The following CNKSR2 variants were observed in gnomAD, a reference collection of about 807,000 sequenced individuals.
The protein encoded by CNKSR2 is connector enhancer of kinase suppressor of Ras 2.
Under a neutral mutation model 84.4 loss-of-function variants are expected in CNKSR2, and 14 were observed. That is an observed-to-expected ratio of 0.17 (90% confidence interval 0.11 to 0.26). The LOEUF (loss-of-function observed/expected upper bound fraction) is 0.26. Ranked by LOEUF, CNKSR2 falls within the 10% of genes least tolerant of loss-of-function variation. The probability of loss-of-function intolerance (pLI) is 1.00; values close to 1 mark genes in which losing one functional copy is unlikely to be tolerated. For missense variants in CNKSR2, 485 were observed against 771.2 expected, an observed-to-expected ratio of 0.63 and a Z score of 4.40; for synonymous variants, 275 against 277.9, an observed-to-expected ratio of 0.99 and a Z score of 0.10.
At chrX:21,606,927 A>T (rs767166660) in intron 19 of CNKSR2, 48 bp downstream of exon 19, 1 of 679,162 alleles carries the variant, frequency 1.5e-6, no homozygotes, top group South Asian at 3.4e-5. Context: ...CTTCTACCTG[A>T]AACATCCTTT....
chrX:21,590,272 G>A (rs982293375), intron 13 of CNKSR2, among the ~76,000 whole-genome samples: 20 of 111,837 alleles, frequency 1.8e-4, no homozygotes, highest in Non-Finnish European at 3.2e-4. Context: ...CAATATACCC[G>A]TGAAAAGGTA....
intron 2 of CNKSR2, chrX:21,429,011 A>G (rs921166378): frequency 8.9e-6 from 1 of 112,412 alleles, no homozygotes; most frequent in African/African-American, 3.2e-5. Flanking sequence ...GTTGTTGCCA[A>G]TATTAAGTAT....
intron 13 of CNKSR2, among the ~76,000 whole-genome samples, chrX:21,575,835 A>G (rs184053317): frequency 3.4e-4 from 38 of 112,445 alleles, no homozygotes; most frequent in African/African-American, 1.1e-3. Flanking sequence ...GAAAAAAGTC[A>G]TGCTTCTCTT....
chrX:21,602,142 T>C, intron 18 of CNKSR2, among the ~76,000 whole-genome samples: 1 of 110,542 alleles, frequency 9.0e-6, no homozygotes, highest in African/African-American at 3.3e-5. Flanking sequence ...TGTTTGTTTG[T>C]TTGTTTGTTT....
intron 4 of CNKSR2, among the ~76,000 whole-genome samples, chrX:21,444,762 T>TAA (rs142552074): frequency 1.0e-5 from 1 of 99,543 alleles, no homozygotes. Context: ...AAATGTGATT[T>TAA]AAAAAAAAAA....
chrX:21,377,405 G>A (rs2089834471), intron 1 of CNKSR2, among the ~76,000 whole-genome samples: 1 of 111,944 alleles, frequency 8.9e-6, no homozygotes, highest in African/African-American at 3.3e-5. Flanking sequence ...TCATCCTGCA[G>A]TAATATTTAA....
At chrX:21,381,310 A>G (rs1470861277) in intron 1 of CNKSR2, among the ~76,000 whole-genome samples, 1 of 111,911 alleles carries the variant, frequency 8.9e-6, no homozygotes, top group Non-Finnish European at 1.9e-5. Flanking sequence ...CAGACCTCCC[A>G]GGGCTGAGTA....
chrX:21,623,543 G>A (rs576582919), intron 20 of CNKSR2, among the ~76,000 whole-genome samples: 1 of 111,598 alleles, frequency 9.0e-6, no homozygotes, highest in South Asian at 3.7e-4. Context: ...CCACATTGTT[G>A]ATGCTCCTTG....
chrX:21,578,270 A>C (rs1601973455), intron 13 of CNKSR2, among the ~76,000 whole-genome samples: 1 of 111,764 alleles, frequency 8.9e-6, no homozygotes, highest in Non-Finnish European at 1.9e-5. Context: ...TTCCTGCCAT[A>C]GTAAACAGGA....
At chrX:21,550,842 C>T (rs1372835378) in intron 11 of CNKSR2, among the ~76,000 whole-genome samples, 1 of 110,236 alleles carries the variant, frequency 9.1e-6, no homozygotes, top group African/African-American at 3.3e-5. Context: ...TGGAGACCAG[C>T]CTGGGCAACA....
intron 18 of CNKSR2, among the ~76,000 whole-genome samples, chrX:21,604,869 T>C (rs967561574): frequency 9.0e-6 from 1 of 111,502 alleles, no homozygotes; most frequent in Non-Finnish European, 1.9e-5. Context: ...TACTTTTCAT[T>C]GCTGGGCCTT....
chrX:21,594,116 A>G (rs1180747758), intron 15 of CNKSR2: 1 of 112,417 alleles, frequency 8.9e-6, no homozygotes, highest in Non-Finnish European at 1.9e-5. Flanking sequence ...TGTGGTACAT[A>G]TACACCATGG....
intron 20 of CNKSR2, among the ~76,000 whole-genome samples, chrX:21,648,564 T>C (rs757276895): frequency 9.0e-6 from 1 of 111,158 alleles, no homozygotes; most frequent in South Asian, 3.8e-4. Flanking sequence ...GTTAATCAAA[T>C]AATCCTATTA....
At chrX:21,553,966 T>C (rs2092115913) in intron 11 of CNKSR2, among the ~76,000 whole-genome samples, 1 of 111,483 alleles carries the variant, frequency 9.0e-6, no homozygotes, top group African/African-American at 3.3e-5. Context: ...CAGAACTCTT[T>C]TGCCACTTAA....
chrX:21,468,052 A>G (rs2091151153), intron 4 of CNKSR2, among the ~76,000 whole-genome samples: 1 of 110,985 alleles, frequency 9.0e-6, no homozygotes, highest in African/African-American at 3.3e-5. Context: ...GTAATGGTGT[A>G]TCATTTATAC....
At chrX:21,449,514 A>G (rs2090899838) in intron 4 of CNKSR2, among the ~76,000 whole-genome samples, 1 of 110,851 alleles carries the variant, frequency 9.0e-6, no homozygotes, top group African/African-American at 3.3e-5. Flanking sequence ...TTAGGTCTTC[A>G]TATGCACATC....
intron 20 of CNKSR2, among the ~76,000 whole-genome samples, chrX:21,630,856 A>G (rs2092644766): frequency 9.0e-6 from 1 of 111,182 alleles, no homozygotes; most frequent in African/African-American, 3.3e-5. Context: ...ACCTTTTATT[A>G]GTAGAAATTA....
intron 9 of CNKSR2, among the ~76,000 whole-genome samples, chrX:21,524,127 A>G (rs2091811839): frequency 9.0e-6 from 1 of 110,508 alleles, no homozygotes; most frequent in Non-Finnish European, 1.9e-5. Flanking sequence ...AGTAGAGAGA[A>G]ATATGCTGAA....
In CNKSR2 at chrX:21,516,808, C is replaced by T. The variant is rs773983260; in HGVS notation, c.957+177C>T. Reference sequence around the variant, plus strand: ...CTAATAGGCTTAATTGTGATGAAATCCTTGAGTATCTAAAACCCAAATGAA... The same window carrying T: ...CTAATAGGCTTAATTGTGATGAAATTCTTGAGTATCTAAAACCCAAATGAA... On this transcript the variant is annotated intron_variant, in intron 9 of 21. Coordinates refer to ENST00000379510, the MANE Select transcript of CNKSR2 (RefSeq NM_014927.5). Among the ~76,000 whole-genome samples the T allele has an allele frequency of 2.7e-5, 3 of 111,102 alleles. No homozygotes were observed. The South Asian group carries it at 1.1e-3, about 42-fold the overall frequency.
Sources: allele counts gnomAD v4.1 joint callset (sites outside exome capture counted in the v4.1 genomes callset), GRCh38; gene constraint gnomAD v4.1.1; transcripts MANE v1.5; gene names NCBI Gene and HGNC (gene_info 2026-07-23, HGNC 2026-07-21).